NEXMIF: variants seen among roughly 807,000 people sequenced by gnomAD.
NEXMIF encodes the protein XLMR protein related to neurite extension.
In NEXMIF, 8 loss-of-function variants were observed where a neutral mutation model predicts 62.1. The observed-to-expected ratio is 0.13, with a 90% CI of 0.08 to 0.23. The LOEUF (loss-of-function observed/expected upper bound fraction) is 0.23. Among genes scored for constraint, NEXMIF ranks in the 10% least tolerant of loss-of-function variants. NEXMIF has a pLI of 1.00. For synonymous variants in NEXMIF, 404 were observed against 416.6 expected, an observed-to-expected ratio of 0.97 and a Z score of 0.37; for missense variants, 976 against 1,113.3, an observed-to-expected ratio of 0.88 and a Z score of 1.75.
chrX:74,744,168 C>A lies in NEXMIF; in HGVS notation c.389G>T (p.Gly130Val). ...KAPFAIMEPAGMSALNGDCLM... is the reference protein window; with the variant it reads ...KAPFAIMEPAVMSALNGDCLM... The stretch of plus-strand genomic sequence containing the variant: ...ACAGTCCCCATTCAGAGCTGACATG[C>A]CTGCAGGCTCCATTATGGCAAATGG... The change falls in exon 3 of 4, where the codon GGC (glycine) becomes GTC (valine). Residue 130 changes from glycine (G) to valine (V), a missense_variant. Physicochemically the swap from Gly to Val is moderately radical, Grantham distance 109 (BLOSUM62 -3). This residue lies in a region of NEXMIF where 126 missense variants were observed against 146.5 expected (regional missense o/e 0.86). Transcript: ENST00000055682. 8.3e-7 allele frequency: 1 copy of A among 1,211,366 alleles called. No individual in the cohort carries two copies. The highest frequency in any genetic ancestry group is 1.1e-6 in the Non-Finnish European group (1 of 895,306).
At chrX:74,850,474 G>T (rs1211248145) in intron 1 of NEXMIF, among the ~76,000 whole-genome samples, 1 of 111,781 alleles carries the variant, frequency 8.9e-6, no homozygotes, top group Non-Finnish European at 1.9e-5. Context: ...CCCAATGACA[G>T]GTATGCTAGG....
At chrX:74,851,963 T>C (rs760455454) in intron 1 of NEXMIF, among the ~76,000 whole-genome samples, 2 of 110,655 alleles carry the variant, frequency 1.8e-5, no homozygotes, top group African/African-American at 6.6e-5. Flanking sequence ...CCCTCACATA[T>C]TAATAATAAT....
intron 1 of NEXMIF, among the ~76,000 whole-genome samples, chrX:74,876,628 G>A (rs1231344671): frequency 9.9e-6 from 1 of 101,068 alleles, no homozygotes; most frequent in East Asian, 3.1e-4. Flanking sequence ...GGGAGTCTAA[G>A]TCTCTTTGTA....
chrX:74,874,045 T>C (rs1191547588), intron 1 of NEXMIF, among the ~76,000 whole-genome samples: 1 of 109,937 alleles, frequency 9.1e-6, no homozygotes, highest in African/African-American at 3.3e-5. Context: ...GCTTTTGGTG[T>C]TTTAGACATG....
At chrX:74,751,724 TTCCC>T (rs1197890046) in intron 1 of NEXMIF, among the ~76,000 whole-genome samples, 5 of 82,552 alleles carry the variant, frequency 6.1e-5, no homozygotes, top group African/African-American at 9.2e-5. Context: ...CCTTCCTTCC[TTCCC>T]TCCCTCCCTC....
At chrX:74,754,931 C>A (rs1433728746) in intron 1 of NEXMIF, among the ~76,000 whole-genome samples, 1 of 111,948 alleles carries the variant, frequency 8.9e-6, no homozygotes, top group East Asian at 2.8e-4. Context: ...CTTGGTCCCA[C>A]TGTAGTTTTC....
At chrX:74,788,973 T>A (rs1022820097) in intron 1 of NEXMIF, among the ~76,000 whole-genome samples, 7 of 110,418 alleles carry the variant, frequency 6.3e-5, no homozygotes, top group African/African-American at 2.3e-4. Flanking sequence ...TATTTATTTA[T>A]TTATTTTTAT....
chrX:74,877,948 G>A (rs2080644176), intron 1 of NEXMIF, among the ~76,000 whole-genome samples: 1 of 111,700 alleles, frequency 9.0e-6, no homozygotes, highest in African/African-American at 3.3e-5. Flanking sequence ...GTCCTCCCCT[G>A]GCTCGGAGTA....
chrX:74,876,529 C>T (rs1252776486), intron 1 of NEXMIF, among the ~76,000 whole-genome samples: 41 of 107,579 alleles, frequency 3.8e-4, no homozygotes, highest in Non-Finnish European at 2.3e-4. Context: ...GAGCTGAGTT[C>T]AATTCCTGGG....
intron 1 of NEXMIF, among the ~76,000 whole-genome samples, chrX:74,806,274 G>A (rs970459629): frequency 3.6e-5 from 4 of 110,872 alleles, no homozygotes; most frequent in African/African-American, 9.9e-5. Flanking sequence ...GAGGTGGGAC[G>A]GAGGGAGTGG....
At chrX:74,833,289 G>A (rs1010611196) in intron 1 of NEXMIF, among the ~76,000 whole-genome samples, 2 of 111,614 alleles carry the variant, frequency 1.8e-5, no homozygotes, top group Admixed American at 1.9e-4. Context: ...GTGTGTTCCA[G>A]TGTTTGTTGC....
chrX:74,777,022 G>A (rs1204279737), intron 1 of NEXMIF, among the ~76,000 whole-genome samples: 1 of 111,471 alleles, frequency 9.0e-6, no homozygotes, highest in Non-Finnish European at 1.9e-5. Context: ...TTAGATGAGT[G>A]CAAGTTTAAG....
intron 1 of NEXMIF, among the ~76,000 whole-genome samples, chrX:74,907,201 C>T (rs1209568981): frequency 9.0e-6 from 1 of 111,428 alleles, no homozygotes; most frequent in Non-Finnish European, 1.9e-5. Flanking sequence ...ATATGAATCC[C>T]GAGGAACATC....
intron 1 of NEXMIF, among the ~76,000 whole-genome samples, chrX:74,830,200 T>C (rs2080431623): frequency 8.9e-6 from 1 of 112,165 alleles, no homozygotes; most frequent in South Asian, 3.7e-4. Flanking sequence ...ATTTAAGTCT[T>C]TAATCCATTT....
At chrX:74,818,871 A>G (rs1002994379) in intron 1 of NEXMIF, among the ~76,000 whole-genome samples, 1 of 112,142 alleles carries the variant, frequency 8.9e-6, no homozygotes, top group African/African-American at 3.2e-5. Flanking sequence ...ATCACTAATC[A>G]TTAGAGAAAT....
At chrX:74,847,889 A>G (rs1297212070) in intron 1 of NEXMIF, among the ~76,000 whole-genome samples, 2 of 111,474 alleles carry the variant, frequency 1.8e-5, no homozygotes, top group African/African-American at 6.5e-5. Context: ...CATCTCACTC[A>G]TCTCATCAAA....
At chrX:74,895,467 TA>T (rs1331130025) in intron 1 of NEXMIF, among the ~76,000 whole-genome samples, 1 of 111,542 alleles carries the variant, frequency 9.0e-6, no homozygotes, top group South Asian at 3.7e-4. Context: ...TCCTAAAATG[TA>T]TATGGAACAA....
intron 1 of NEXMIF, among the ~76,000 whole-genome samples, chrX:74,801,267 T>C (rs1046817274): frequency 1.8e-5 from 2 of 112,167 alleles, no homozygotes; most frequent in African/African-American, 3.2e-5. Context: ...TTATGAATAA[T>C]GCTACTATAA....
chrX:74,870,348 A>C (rs2080595998), intron 1 of NEXMIF, among the ~76,000 whole-genome samples: 1 of 111,681 alleles, frequency 9.0e-6, no homozygotes, highest in South Asian at 3.7e-4. Context: ...CTGAAATCTA[A>C]GACCTCAAGC....
Sources: gnomAD v4.1 joint callset for allele counts (sites outside exome capture counted in the v4.1 genomes callset) on GRCh38, gnomAD v4.1.1 for gene constraint, gnomAD v4.1.1 regional missense constraint, MANE v1.5 for transcripts, NCBI Gene and HGNC (gene_info 2026-07-23, HGNC 2026-07-21) for gene names.